Variants in MKLN1 observed in about 807,000 individuals in gnomAD.
MKLN1 encodes muskelin 1.
A neutral mutation model predicts 99.0 loss-of-function variants in MKLN1; 18 were observed. That is an observed-to-expected ratio of 0.18 (90% CI 0.13 to 0.27). The LOEUF (loss-of-function observed/expected upper bound fraction) is 0.27, where lower values mean the gene tolerates loss of function less well. Among genes scored for constraint, MKLN1 ranks in the 10% least tolerant of loss-of-function variants. The pLI, the probability that MKLN1 is intolerant of heterozygous loss-of-function variation, is 1.00. For synonymous variants in MKLN1, 288 were observed against 293.2 expected, an observed-to-expected ratio of 0.98 and a Z score of 0.18; for missense variants, 621 against 875.9, an observed-to-expected ratio of 0.71 and a Z score of 3.67.
At chr7:131,230,931 G>A (rs1194853866) in intron 3 of MKLN1, among the ~76,000 whole-genome samples, 1 of 151,898 alleles carries the variant, frequency 6.6e-6, no homozygotes, top group South Asian at 2.1e-4. Flanking sequence ...GACCAACCTG[G>A]CCAACATGGT....
rs1562886599 is a variant in MKLN1, at chr7:131,478,607, T to G, written c.2032-16T>G. Reference sequence around the variant, plus strand: ...TAATTTGCTGCTTCTTTTTTTTTTTTTTTTTTTTTAAACAGTTTCAGCTCC... The same window carrying G: ...TAATTTGCTGCTTCTTTTTTTTTTTGTTTTTTTTTAAACAGTTTCAGCTCC... On this transcript the variant is annotated splice_polypyrimidine_tract_variant and intron_variant, in intron 16 of 17. Transcript: ENST00000352689. 3 of 1,436,138 alleles carry G rather than the reference T, an allele frequency of 2.1e-6. No individual in the cohort carries two copies. Among genetic ancestry groups the G allele is most frequent in the Non-Finnish European group, 9.1e-7 (1 of 1,098,808 alleles). The allele number at this position is 1,436,138 out of a possible 1,614,324, so 89.0% of individuals were successfully genotyped here.
intron 3 of MKLN1, among the ~76,000 whole-genome samples, chr7:131,303,656 C>T (rs191377022): frequency 1.2e-4 from 19 of 152,278 alleles, no homozygotes; most frequent in African/African-American, 1.4e-4. Context: ...TAGGAATGCA[C>T]GCACTTGAGA....
At chr7:131,442,835 G>T (rs1475561853) in intron 10 of MKLN1, among the ~76,000 whole-genome samples, 1 of 152,166 alleles carries the variant, frequency 6.6e-6, no homozygotes, top group Non-Finnish European at 1.5e-5. Context: ...TGAGTTGAAA[G>T]AATGGAAGAA....
intron 3 of MKLN1, among the ~76,000 whole-genome samples, chr7:131,295,923 T>TA (rs1798285417): frequency 6.6e-6 from 1 of 151,688 alleles, no homozygotes; most frequent in Non-Finnish European, 1.5e-5. Context: ...AAAAAATACT[T>TA]AGCTTCATTA....
intron 3 of MKLN1, among the ~76,000 whole-genome samples, chr7:131,314,698 A>G (rs911431484): frequency 6.6e-6 from 1 of 152,086 alleles, no homozygotes; most frequent in Non-Finnish European, 1.5e-5. Flanking sequence ...CTGGGATTAC[A>G]GGCTTGAGCC....
intron 3 of MKLN1, among the ~76,000 whole-genome samples, chr7:131,285,358 A>G (rs1027006028): frequency 6.6e-6 from 1 of 152,202 alleles, no homozygotes; most frequent in East Asian, 1.9e-4. Context: ...GTGTGGGGCA[A>G]TGAGACACGG....
At chr7:131,217,185 C>T (rs1796994978) in intron 3 of MKLN1, among the ~76,000 whole-genome samples, 1 of 152,038 alleles carries the variant, frequency 6.6e-6, no homozygotes, top group African/African-American at 2.4e-5. Context: ...ATTAAAATTG[C>T]AAAACTTATT....
intron 3 of MKLN1, among the ~76,000 whole-genome samples, chr7:131,283,343 CCCCT>C (rs532236223): frequency 0.33 from 24,588 of 74,256 alleles, 4,906 homozygotes; most frequent in Admixed American, 0.46. Flanking sequence ...CCCTTCCCTT[CCCCT>C]CCTTCCTTCC....
chr7:131,363,598 T>G (rs906349213), intron 1 of MKLN1, among the ~76,000 whole-genome samples: 5 of 152,180 alleles, frequency 3.3e-5, no homozygotes, highest in African/African-American at 1.2e-4. Flanking sequence ...TAACTTTACT[T>G]AGTTCTCAGA....
chr7:131,386,799 G>T, intron 2 of MKLN1, among the ~76,000 whole-genome samples: 1 of 152,068 alleles, frequency 6.6e-6, no homozygotes, highest in Non-Finnish European at 1.5e-5. Context: ...TGTTTTATTT[G>T]GTTTTGCATA....
At chr7:131,436,826 G>A (rs1795688818) in intron 9 of MKLN1, among the ~76,000 whole-genome samples, 1 of 152,042 alleles carries the variant, frequency 6.6e-6, no homozygotes, top group African/African-American at 2.4e-5. Context: ...AGTGATACCA[G>A]CTAATTAATT....
intron 2 of MKLN1, among the ~76,000 whole-genome samples, chr7:131,382,828 A>C (rs562376184): frequency 4.5e-4 from 68 of 151,966 alleles, no homozygotes; most frequent in Non-Finnish European, 8.9e-4. Context: ...GGTTCATGCC[A>C]TTCTCCTGTC....
In MKLN1 at chr7:131,298,041, T is replaced by G. The variant is rs559021377; in HGVS notation, c.-178-77383T>G. Among the ~76,000 whole-genome samples the G allele has an allele frequency of 5.3e-5, 8 of 151,666 alleles. No individual in the cohort carries two copies. The South Asian group carries it at 8.4e-4, about 16-fold the overall frequency. ...GCTCACGCCTGTAATCTCACCACTTTGGGAGGCTGAGGCGGATGGATCACG... is the reference window on the plus strand; with the variant it reads ...GCTCACGCCTGTAATCTCACCACTTGGGGAGGCTGAGGCGGATGGATCACG... On this transcript the variant is annotated intron_variant, in intron 3 of 7. Coordinates refer to the MKLN1 transcript ENST00000416992.
intron 8 of MKLN1, among the ~76,000 whole-genome samples, chr7:131,421,886 CTT>C (rs1285723455): frequency 6.6e-6 from 1 of 152,050 alleles, no homozygotes; most frequent in Non-Finnish European, 1.5e-5. Context: ...TTTGTTTAAT[CTT>C]TTATATAATT....
At chr7:131,154,371 C>T (rs958597313) in intron 2 of MKLN1, among the ~76,000 whole-genome samples, 9 of 152,144 alleles carry the variant, frequency 5.9e-5, no homozygotes, top group East Asian at 1.9e-4. Flanking sequence ...TGTGAGCCAC[C>T]GCCCCGGCCT....
At chr7:131,216,186 G>A (rs1289340132) in intron 3 of MKLN1, among the ~76,000 whole-genome samples, 1 of 152,062 alleles carries the variant, frequency 6.6e-6, no homozygotes, top group Non-Finnish European at 1.5e-5. Context: ...GATCACCTGA[G>A]GTCAGGAGTT....
Position 131,496,054 on chromosome 7 carries a change from G to A in MKLN1, c.*8326G>A, listed in dbSNP as rs1797549747. ...AACAAGAGTTCTTTACCACGTTTAAGCAAATGTCTCTCAAAAAAAATTGTA... is the reference window on the plus strand; with the variant it reads ...AACAAGAGTTCTTTACCACGTTTAAACAAATGTCTCTCAAAAAAAATTGTA... On this transcript the variant is annotated 3_prime_UTR_variant, in exon 18 of 18. Transcript: ENST00000352689. 1 of 151,218 alleles carries A rather than the reference G, an allele frequency of 6.6e-6. No homozygotes were observed. The highest frequency in any genetic ancestry group is 1.9e-4 in the East Asian group (1 of 5,196). 9.4% of individuals were successfully genotyped at this position (151,218 alleles called of 1,614,324 possible).
chr7:131,263,475 T>C (rs911457853), intron 3 of MKLN1, among the ~76,000 whole-genome samples: 1 of 151,714 alleles, frequency 6.6e-6, no homozygotes. Context: ...CAGTGACCCA[T>C]GATTATGCCA....
chr7:131,159,802 A>G (rs114524392), intron 2 of MKLN1, among the ~76,000 whole-genome samples: 2 of 152,132 alleles, frequency 1.3e-5, no homozygotes, highest in African/African-American at 4.8e-5. Context: ...GGGAAAAAAA[A>G]TAGTATATAC....
Sources: gnomAD v4.1 joint callset for allele counts (sites outside exome capture counted in the v4.1 genomes callset) on GRCh38, gnomAD v4.1.1 for gene constraint, MANE v1.5 for transcripts, NCBI Gene and HGNC (gene_info 2026-07-23, HGNC 2026-07-21) for gene names.